KLHL3: variants seen among roughly 807,000 people sequenced by gnomAD.
KLHL3 encodes kelch like family member 3.
KLHL3 carries 19 observed loss-of-function variants against 70.5 expected under a neutral mutation model. The observed-to-expected ratio is 0.27, with a 90% confidence interval of 0.19 to 0.40. The LOEUF (loss-of-function observed/expected upper bound fraction) is 0.40, where lower values mean the gene tolerates loss of function less well. KLHL3 is among the 10% of genes least tolerant of loss of function. KLHL3 has a pLI of 1.00. For synonymous variants in KLHL3, 258 were observed against 290.3 expected (o/e 0.89, Z 1.13); for missense variants, 512 against 771.1 (o/e 0.66, Z 3.98).
intron 3 of KLHL3, among the ~76,000 whole-genome samples, chr5:137,701,313 G>A (rs1051727656): frequency 6.6e-6 from 1 of 152,138 alleles, no homozygotes; most frequent in African/African-American, 2.4e-5. Flanking sequence ...CTCCCAAAGT[G>A]CTGGGATTAC....
intron 13 of KLHL3, 199 bp downstream of exon 13, chr5:137,628,098 G>A: frequency 3.3e-6 from 2 of 605,088 alleles, no homozygotes; most frequent in Admixed American, 3.0e-5. Context: ...CATCTAGGTT[G>A]CAGGATCTGC....
At chr5:137,622,209 T>C (rs1200670824) in intron 14 of KLHL3, 83 bp from the exon 15 acceptor site, 6 of 1,478,818 alleles carry the variant, frequency 4.1e-6, no homozygotes, top group Middle Eastern at 1.7e-4. Flanking sequence ...ATCCAAGATA[T>C]CCTGAGTCAC....
intron 1 of KLHL3, among the ~76,000 whole-genome samples, chr5:137,724,118 C>CGGATAAAT (rs1331241815): frequency 6.6e-6 from 1 of 152,138 alleles, no homozygotes; most frequent in Non-Finnish European, 1.5e-5. Context: ...TTGCATCCTT[C>CGGATAAAT]GGATAAATCT....
intron 8 of KLHL3, among the ~76,000 whole-genome samples, chr5:137,646,638 C>A (rs1751053551): frequency 6.6e-6 from 1 of 152,154 alleles, no homozygotes; most frequent in African/African-American, 2.4e-5. Context: ...TTGAACCATT[C>A]TCTCCTATAT....
chr5:137,646,938 T>C (rs1157116687), intron 8 of KLHL3, among the ~76,000 whole-genome samples: 3 of 152,204 alleles, frequency 2.0e-5, no homozygotes, highest in African/African-American at 4.8e-5. Flanking sequence ...AACTGCAGCA[T>C]ACTTAGGAGT....
intron 3 of KLHL3, 138 bp downstream of exon 3, chr5:137,709,612 C>A: frequency 1.5e-6 from 1 of 680,792 alleles, no homozygotes; most frequent in East Asian, 2.7e-5. Flanking sequence ...ACAAAGCACA[C>A]TATCTGGCGT....
intron 2 of KLHL3, among the ~76,000 whole-genome samples, chr5:137,713,153 CAAA>C (rs958291877): frequency 7.8e-5 from 3 of 38,432 alleles, no homozygotes; most frequent in African/African-American, 2.1e-4. Flanking sequence ...GAATAACCAG[CAAA>C]AAAAAAAAAA....
At chr5:137,723,234 T>C (rs1300705902) in intron 1 of KLHL3, among the ~76,000 whole-genome samples, 1 of 152,224 alleles carries the variant, frequency 6.6e-6, no homozygotes, top group Non-Finnish European at 1.5e-5. Flanking sequence ...AGTCCTATTA[T>C]TATTTTTGAG....
chr5:137,657,593 T>G (rs1397246101), intron 8 of KLHL3, among the ~76,000 whole-genome samples: 2 of 152,168 alleles, frequency 1.3e-5, no homozygotes, highest in Non-Finnish European at 2.9e-5. Context: ...CAAATTCTCA[T>G]TTCTCCCATT....
In KLHL3 at chr5:137,641,880, C is replaced by T. The variant is rs572058785; in HGVS notation, c.904-1903G>A. Among the ~76,000 whole-genome samples, 4 of 152,342 alleles carry T rather than the reference C, an allele frequency of 2.6e-5. No homozygotes were observed. The East Asian group carries it at 5.8e-4, about 22-fold the overall frequency. On this transcript the variant is annotated intron_variant, in intron 8 of 14. Transcript: ENST00000309755. ...CAGCCTCGAGCTGCTGCTGCTGCTGCTTCCAGACAGAAACTTGACTTTCCT... is the reference window on the plus strand; with the variant it reads ...CAGCCTCGAGCTGCTGCTGCTGCTGTTTCCAGACAGAAACTTGACTTTCCT...
chr5:137,697,859 C>T (rs1345739789), intron 4 of KLHL3, among the ~76,000 whole-genome samples: 1 of 152,200 alleles, frequency 6.6e-6, no homozygotes, highest in Admixed American at 6.5e-5. Context: ...ACTACCTCCC[C>T]TCTACTCATT....
chr5:137,732,380 C>G (rs556293480), intron 1 of KLHL3, among the ~76,000 whole-genome samples: 80 of 151,642 alleles, frequency 5.3e-4, no homozygotes, highest in African/African-American at 1.6e-3. Flanking sequence ...TGCAAATTCA[C>G]AAGTTCTTCT....
rs115968785 is a variant in KLHL3, at chr5:137,647,897, T to G, written c.904-7920A>C. The stretch of plus-strand genomic sequence containing the variant: ...CCCAGTCACTATATAGCTGTGTGGC[T>G]ATGAGCAAGACATTGAACCTTGCTA... On this transcript the variant is annotated intron_variant, in intron 8 of 14. Coordinates refer to ENST00000309755, the MANE Select transcript of KLHL3 (RefSeq NM_017415.3). Among the ~76,000 whole-genome samples the G allele has an allele frequency of 7.4e-3, 1,120 of 152,306 alleles. 17 individuals are homozygous for G. The highest frequency in any genetic ancestry group is 0.026 in the African/African-American group (1,061 of 41,560).
intron 1 of KLHL3, among the ~76,000 whole-genome samples, chr5:137,730,376 T>C (rs897067976): frequency 2.6e-5 from 4 of 152,216 alleles, no homozygotes; most frequent in African/African-American, 9.6e-5. Context: ...GGACCTGTGA[T>C]ATAGCACTAC....
chr5:137,693,293 G>A (rs1237662441), intron 4 of KLHL3, among the ~76,000 whole-genome samples: 1 of 152,172 alleles, frequency 6.6e-6, no homozygotes, highest in Admixed American at 6.5e-5. Flanking sequence ...TTAGAGAAAG[G>A]AGAGCTAAGT....
intron 12 of KLHL3, among the ~76,000 whole-genome samples, chr5:137,632,610 G>A (rs1056538364): frequency 4.6e-5 from 7 of 152,132 alleles, no homozygotes; most frequent in Admixed American, 1.3e-4. Flanking sequence ...AACAATTTAT[G>A]ACTAAGATGC....
At position 137,708,371 on chromosome 5, in the gene KLHL3, TG is replaced by T. The variant is rs1428727536; in HGVS notation, c.241+1378del. Among the ~76,000 whole-genome samples the T allele has an allele frequency of 2.6e-5, 4 of 152,352 alleles. No individual in the cohort carries two copies. In the East Asian group the frequency reaches 7.7e-4, roughly 29 times the overall value. On this transcript the variant is annotated intron_variant, in intron 3 of 14. Transcript: ENST00000309755. ...ACAGCCCATTCAGCAAAAATGTGCC[TG>T]CACTCACCCCTCCTTAGCAAGCTTG...
chr5:137,702,127 G>A (rs1752583466), intron 3 of KLHL3, among the ~76,000 whole-genome samples: 1 of 152,204 alleles, frequency 6.6e-6, no homozygotes. Flanking sequence ...CAGTCTGGTG[G>A]AGAGAGAGAC....
intron 6 of KLHL3, among the ~76,000 whole-genome samples, chr5:137,668,787 C>T (rs911935682): frequency 6.6e-6 from 1 of 152,212 alleles, no homozygotes; most frequent in Non-Finnish European, 1.5e-5. Flanking sequence ...CGTTTAGTGA[C>T]ATTACACTGG....
Sources: allele counts gnomAD v4.1 joint callset (sites outside exome capture counted in the v4.1 genomes callset), GRCh38; gene constraint gnomAD v4.1.1; transcripts MANE v1.5; gene names NCBI Gene and HGNC (gene_info 2026-07-23, HGNC 2026-07-21).